Variants in CFAP69 observed in about 807,000 individuals in gnomAD.
CFAP69 encodes the protein cilia and flagella associated protein 69, also known as cilia- and flagella-associated protein 69.
CFAP69 carries 92 observed loss-of-function variants against 123.0 expected under a neutral mutation model. That is an observed-to-expected ratio of 0.75 (90% CI 0.63 to 0.89). The LOEUF is 0.89. CFAP69 is among the 40% of genes least tolerant of loss of function. CFAP69 has a pLI of 0.00. For synonymous variants in CFAP69, 380 were observed against 364.3 expected, an observed-to-expected ratio of 1.04 and a Z score of -0.49; for missense variants, 1,067 against 1,096.9, an observed-to-expected ratio of 0.97 and a Z score of 0.39.
At position 90,304,753 on chromosome 7, in the gene CFAP69, A is replaced by C; in HGVS notation, c.2198A>C (p.Asn733Thr). 1 of 1,600,288 alleles carries C rather than the reference A, an allele frequency of 6.2e-7. No individual in the cohort carries two copies. Residue 733 changes from asparagine to threonine, a missense_variant, in exon 19 of 23, where the codon AAT becomes ACT. Physicochemically the swap from Asn to Thr is moderately conservative, Grantham distance 65. Coordinates refer to ENST00000389297, the MANE Select transcript of CFAP69 (RefSeq NM_001039706.3). Reference protein sequence around the residue: ...YAILGKLDFENLPGLSAEDFV... With the variant: ...YAILGKLDFETLPGLSAEDFV... ...ATAAACTTTATTTTAGATTTTGAAA[A>C]TTTACCTGGCCTATCTGCTGAAGAT...
intron 3 of CFAP69, among the ~76,000 whole-genome samples, chr7:90,259,874 T>G (rs1320096959): frequency 6.6e-6 from 1 of 152,160 alleles, no homozygotes; most frequent in African/African-American, 2.4e-5. Flanking sequence ...AGTTTTTATA[T>G]GTCCACTCTC....
At chr7:90,272,044 G>T in intron 8 of CFAP69, 86 bp downstream of exon 8, 3 of 1,255,290 alleles carry the variant, frequency 2.4e-6, no homozygotes, top group Non-Finnish European at 3.3e-6. Flanking sequence ...TTGAATCTGT[G>T]TTCAATTATG....
downstream of CFAP69, among the ~76,000 whole-genome samples, chr7:90,315,538 G>A (rs768427143): frequency 3.9e-5 from 6 of 152,148 alleles, no homozygotes; most frequent in Non-Finnish European, 8.8e-5. Flanking sequence ...CACTTAAGTG[G>A]GAGCTAGATG....
chr7:90,259,530 G>A (rs554928407), intron 3 of CFAP69, among the ~76,000 whole-genome samples: 3 of 152,160 alleles, frequency 2.0e-5, no homozygotes, highest in Admixed American at 6.5e-5. Flanking sequence ...AGCCTTAGTT[G>A]CCCAGACTGG....
intron 5 of CFAP69, among the ~76,000 whole-genome samples, chr7:90,266,488 G>C (rs936037657): frequency 6.6e-6 from 1 of 152,108 alleles, no homozygotes; most frequent in Non-Finnish European, 1.5e-5. Flanking sequence ...TGTAGTTTTT[G>C]TTGGTAACAT....
intron 8 of CFAP69, among the ~76,000 whole-genome samples, chr7:90,273,465 G>GT (rs1800250018): frequency 6.6e-6 from 1 of 152,146 alleles, no homozygotes; most frequent in Non-Finnish European, 1.5e-5. Flanking sequence ...TAATAGACTG[G>GT]TTTAGTGGAT....
intron 15 of CFAP69, among the ~76,000 whole-genome samples, chr7:90,291,342 T>G (rs1202330265): frequency 6.6e-6 from 1 of 152,176 alleles, no homozygotes; most frequent in Non-Finnish European, 1.5e-5. Context: ...GTTGCACTGG[T>G]GGGAGTGTAG....
intron 14 of CFAP69, among the ~76,000 whole-genome samples, chr7:90,287,938 A>T (rs1790540753): frequency 6.6e-6 from 1 of 152,128 alleles, no homozygotes. Flanking sequence ...ATCAAGGTAC[A>T]AATTTTATGA....
intron 3 of CFAP69, among the ~76,000 whole-genome samples, chr7:90,259,897 C>A (rs1005389441): frequency 3.3e-5 from 5 of 152,050 alleles, no homozygotes; most frequent in African/African-American, 1.2e-4. Context: ...TTTATGTATT[C>A]ATTTTGTCAC....
At chr7:90,283,398 A>C (rs974938277) in intron 13 of CFAP69, among the ~76,000 whole-genome samples, 2 of 152,216 alleles carry the variant, frequency 1.3e-5, no homozygotes, top group African/African-American at 2.4e-5. Context: ...ACAGGATAAC[A>C]TGGCATATTC....
chr7:90,265,371 C>T lies in CFAP69; in HGVS notation c.427C>T (p.Leu143Phe). The change falls in exon 5 of 23, where the codon CTT becomes TTT. Residue 143 changes from leucine (L) to phenylalanine (F), a missense_variant. By Grantham distance (22) the Leu-to-Phe change is conservative (BLOSUM62 0). Transcript: ENST00000389297. Reference sequence around the variant, plus strand: ...TGAAGATACTGCTAATTCAATTGCACTTCTGGGTAAGTTAAGATTTCCTTA... The same window carrying T: ...TGAAGATACTGCTAATTCAATTGCATTTCTGGGTAAGTTAAGATTTCCTTA... ...YAEDTANSIA[L>F]LGDLMKIPSS... 6.2e-7 allele frequency: 1 copy of T among 1,605,848 alleles called. No homozygotes were observed. The highest frequency in any genetic ancestry group is 8.5e-7 in the Non-Finnish European group (1 of 1,173,676).
At chr7:90,284,252 A>G (rs1310576016) in intron 13 of CFAP69, among the ~76,000 whole-genome samples, 3 of 152,154 alleles carry the variant, frequency 2.0e-5, no homozygotes, top group Non-Finnish European at 4.4e-5. Context: ...TGAGTCTAAC[A>G]TGGCTGTGTA....
At chr7:90,320,093 C>T in the CFAP69 span, among the ~76,000 whole-genome samples, 3 of 152,172 alleles carry the variant, frequency 2.0e-5, no homozygotes, top group African/African-American at 4.8e-5. Flanking sequence ...GATACGGTTC[C>T]GCAAGTCTTC....
intron 4 of CFAP69, among the ~76,000 whole-genome samples, chr7:90,263,285 A>G (rs1753295179): frequency 1.3e-5 from 2 of 152,058 alleles, no homozygotes; most frequent in African/African-American, 4.8e-5. Flanking sequence ...TTCTAATTTC[A>G]GCTTATGTCT....
intron 1 of CFAP69, among the ~76,000 whole-genome samples, chr7:90,247,828 A>T (rs560786566): frequency 6.6e-6 from 1 of 152,346 alleles, no homozygotes; most frequent in South Asian, 2.1e-4. Context: ...CTGGCGACAG[A>T]GTGAGCCTCC....
chr7:90,255,531 A>G (rs1359928892), intron 2 of CFAP69, 49 bp downstream of exon 2: 2 of 1,380,036 alleles, frequency 1.4e-6, no homozygotes, highest in South Asian at 2.4e-5. Flanking sequence ...CTTACAAACT[A>G]TTTCCCTGAA....
Position 90,297,784 on chromosome 7 carries a change from AT to A in CFAP69, c.1815del (p.Glu607LysfsTer12). 1.3e-6 allele frequency: 2 copies of A among 1,573,980 alleles called. No individual in the cohort carries two copies. Among genetic ancestry groups the A allele is most frequent in the Non-Finnish European group, 8.6e-7 (1 of 1,167,918 alleles). On this transcript the variant is annotated frameshift_variant, in exon 16 of 23. Coordinates refer to ENST00000389297, the MANE Select transcript of CFAP69 (RefSeq NM_001039706.3). ...CILGCYPSED[Y>X]FLEKEGIFLL... is the part of the protein sequence containing the mutation. Reference sequence around the variant, plus strand: ...TTGGGATGTTATCCCTCAGAGGATTATTTTCTTGAAAAGGAAGGCATTTTTC... The same window carrying A: ...TTGGGATGTTATCCCTCAGAGGATTATTTCTTGAAAAGGAAGGCATTTTTC...
At chr7:90,288,495 T>G in intron 15 of CFAP69, 143 bp downstream of exon 15, 2 of 923,300 alleles carry the variant, frequency 2.2e-6, no homozygotes, top group Non-Finnish European at 3.2e-6. Flanking sequence ...CAAACATAGA[T>G]GGTATAGCCT....
Position 90,309,355 on chromosome 7 carries a change from C to A in CFAP69, c.2643C>A (p.Gly881=), listed in dbSNP as rs1478603731. 14 of 1,558,146 alleles carry A rather than the reference C, an allele frequency of 9.0e-6. No individual in the cohort carries two copies. Among genetic ancestry groups the A allele is most frequent in the Admixed American group, 1.8e-5 (1 of 55,142 alleles). Reference sequence around the variant, plus strand: ...TATTTCACCAAACACATATTAAAGGCCTTAACACAACGGTAAGATTCTTTC... The same window carrying A: ...TATTTCACCAAACACATATTAAAGGACTTAACACAACGGTAAGATTCTTTC... The part of the protein sequence containing the change: ...NAIFHQTHIK[G]LNTTVPSGGV... The change falls in exon 22 of 23, where the codon GGC becomes GGA. Residue 881 remains glycine, a synonymous_variant. Transcript: ENST00000389297.
Sources: gnomAD v4.1 joint callset for allele counts (sites outside exome capture counted in the v4.1 genomes callset) on GRCh38, gnomAD v4.1.1 for gene constraint, MANE v1.5 for transcripts, NCBI Gene and HGNC (gene_info 2026-07-23, HGNC 2026-07-21) for gene names.